AR: variants seen among roughly 807,000 people sequenced by gnomAD.
The protein encoded by AR is androgen receptor.
AR carries 8 observed loss-of-function variants against 53.9 expected under a neutral mutation model. The observed-to-expected ratio is 0.15, with a 90% CI of 0.09 to 0.27. The LOEUF (loss-of-function observed/expected upper bound fraction) is 0.27. Ranked by LOEUF, AR falls within the 10% of genes least tolerant of loss-of-function variation. The pLI is 1.00. For missense variants in AR, 639 were observed against 742.5 expected (o/e 0.86, Z 1.62); for synonymous variants, 359 against 316.4 (o/e 1.13, Z -1.43).
chrX:67,583,168 G>T (rs944467119), intron 1 of AR, among the ~76,000 whole-genome samples: 15 of 111,990 alleles, frequency 1.3e-4, no homozygotes, highest in Admixed American at 2.8e-4. Context: ...TGAAATCTCT[G>T]TTCCCAGCTA....
At chrX:67,570,632 G>A (rs1186263643) in intron 1 of AR, among the ~76,000 whole-genome samples, 2 of 111,161 alleles carry the variant, frequency 1.8e-5, no homozygotes, top group African/African-American at 6.5e-5. Context: ...TCAGCATATT[G>A]ATGGTGGAGA....
chrX:67,604,493 T>C (rs907179156), intron 1 of AR, among the ~76,000 whole-genome samples: 3 of 111,146 alleles, frequency 2.7e-5, no homozygotes, highest in African/African-American at 9.8e-5. Context: ...GCCAACTGTC[T>C]GTTTGTCACT....
At chrX:67,700,993 T>C (rs2076040014) in intron 3 of AR, among the ~76,000 whole-genome samples, 1 of 111,397 alleles carries the variant, frequency 9.0e-6, no homozygotes. Context: ...TTTAGTGGGG[T>C]ATTGCAAATG....
intron 3 of AR, among the ~76,000 whole-genome samples, chrX:67,710,893 T>C (rs1271982273): frequency 9.0e-6 from 1 of 111,616 alleles, no homozygotes; most frequent in East Asian, 2.8e-4. Context: ...GTAAAAAGAT[T>C]AGTGTTTTCC....
intron 1 of AR, among the ~76,000 whole-genome samples, chrX:67,633,236 G>A (rs1925256658): frequency 8.9e-6 from 1 of 111,859 alleles, no homozygotes; most frequent in East Asian, 2.8e-4. Flanking sequence ...TCATCACCCA[G>A]GTAATAAGCA....
At chrX:67,594,346 A>G (rs752442671) in intron 1 of AR, among the ~76,000 whole-genome samples, 1 of 112,064 alleles carries the variant, frequency 8.9e-6, no homozygotes, top group South Asian at 3.7e-4. Flanking sequence ...AATATAATAG[A>G]TAAATTATGG....
intron 1 of AR, among the ~76,000 whole-genome samples, chrX:67,617,057 A>T (rs985084909): frequency 8.9e-6 from 1 of 111,880 alleles, no homozygotes; most frequent in African/African-American, 3.2e-5. Context: ...ATGAGCATGA[A>T]ACATATATTC....
At chrX:67,643,211 G>A (rs751760410) in intron 1 of AR, 45 bp from the exon 2 acceptor site, 2 of 1,203,529 alleles carry the variant, frequency 1.7e-6, no homozygotes, top group African/African-American at 3.5e-5. Context: ...GCCTATTTCT[G>A]CCATTCAGTG....
chrX:67,654,713 G>A (rs1471143030), intron 2 of AR, among the ~76,000 whole-genome samples: 1 of 107,366 alleles, frequency 9.3e-6, no homozygotes, highest in African/African-American at 3.4e-5. Flanking sequence ...CCAGCCAGAG[G>A]TGTGTCTCAA....
At chrX:67,652,394 A>G (rs1472458940) in intron 2 of AR, among the ~76,000 whole-genome samples, 1 of 111,912 alleles carries the variant, frequency 8.9e-6, no homozygotes, top group African/African-American at 3.3e-5. Flanking sequence ...AGGTTATTTC[A>G]TGAAAATACT....
At chrX:67,691,173 T>G (rs1006553326) in intron 3 of AR, among the ~76,000 whole-genome samples, 2 of 111,926 alleles carry the variant, frequency 1.8e-5, no homozygotes, top group African/African-American at 6.5e-5. Context: ...AGCATCAAAT[T>G]TTGCTAAACA....
At chrX:67,589,372 A>G (rs1381536821) in intron 1 of AR, among the ~76,000 whole-genome samples, 1 of 111,936 alleles carries the variant, frequency 8.9e-6, no homozygotes, top group Non-Finnish European at 1.9e-5. Flanking sequence ...TTTCATTTCC[A>G]TATGCCCCAA....
At chrX:67,707,723 G>T (rs950879247) in intron 3 of AR, among the ~76,000 whole-genome samples, 1 of 111,988 alleles carries the variant, frequency 8.9e-6, no homozygotes, top group Non-Finnish European at 1.9e-5. Context: ...GGTTGATGCA[G>T]TTTCTTCCTA....
intron 1 of AR, among the ~76,000 whole-genome samples, chrX:67,589,269 CAA>C (rs773313820): frequency 3.9e-4 from 16 of 41,118 alleles, no homozygotes; most frequent in Admixed American, 9.2e-4. Context: ...GACTCCGTCT[CAA>C]AAAAAAAAAA....
intron 3 of AR, chrX:67,694,608 G>T: frequency 8.7e-7 from 1 of 1,145,312 alleles, no homozygotes; most frequent in Non-Finnish European, 1.2e-6. Context: ...TCTGATTATG[G>T]AGCCTGCTAG....
At chrX:67,588,290 C>A (rs1922656215) in intron 1 of AR, among the ~76,000 whole-genome samples, 1 of 111,920 alleles carries the variant, frequency 8.9e-6, no homozygotes, top group South Asian at 3.8e-4. Context: ...TGCCCATGTC[C>A]CCACACTGTT....
intron 3 of AR, chrX:67,694,541 C>T (rs2147507283): frequency 4.9e-6 from 5 of 1,017,383 alleles, no homozygotes; most frequent in South Asian, 6.5e-5. Flanking sequence ...AAATGGCAAC[C>T]GCCCACCTCC....
intron 1 of AR, among the ~76,000 whole-genome samples, chrX:67,618,549 C>A (rs889428074): frequency 1.8e-5 from 2 of 111,382 alleles, no homozygotes; most frequent in Non-Finnish European, 3.8e-5. Flanking sequence ...CAATGAAAGC[C>A]ACATGGTGGA....
chrX:67,571,672 GAT>G (rs1921819339), intron 1 of AR, among the ~76,000 whole-genome samples: 1 of 110,861 alleles, frequency 9.0e-6, no homozygotes. Flanking sequence ...TTAGGAGAGG[GAT>G]ATTTCCGATA....
Sources: gnomAD v4.1 joint callset for allele counts (sites outside exome capture counted in the v4.1 genomes callset) on GRCh38, gnomAD v4.1.1 for gene constraint, MANE v1.5 for transcripts, NCBI Gene and HGNC (gene_info 2026-07-23, HGNC 2026-07-21) for gene names.